Variants in MAP3K13 observed in about 807,000 individuals in gnomAD.
MAP3K13 encodes the protein mitogen-activated protein kinase kinase kinase 13.
In MAP3K13, 52 loss-of-function variants were observed where a neutral mutation model predicts 104.0. The ratio of observed to expected loss-of-function variants is 0.50; its 90% CI spans 0.40 to 0.63. The LOEUF (loss-of-function observed/expected upper bound fraction) is 0.63. MAP3K13 is among the 20% of genes least tolerant of loss of function. The probability of loss-of-function intolerance (pLI) is 0.00; values close to 1 mark genes in which losing one functional copy is unlikely to be tolerated. For synonymous variants in MAP3K13, 394 were observed against 442.2 expected, an observed-to-expected ratio of 0.89 and a Z score of 1.37; for missense variants, 914 against 1,218.5, an observed-to-expected ratio of 0.75 and a Z score of 3.72.
At chr3:185,392,465 G>A (rs953856031) in intron 1 of MAP3K13, among the ~76,000 whole-genome samples, 1 of 152,238 alleles carries the variant, frequency 6.6e-6, no homozygotes, top group African/African-American at 2.4e-5. Flanking sequence ...GAGGCATGTG[G>A]AGTGTGTTGC....
rs115576657 is a variant in MAP3K13 at position 185,473,283 on chromosome 3, G to C, written c.1952G>C (p.Ser651Thr). The C allele has an allele frequency of 4.4e-4, 718 of 1,614,184 alleles. 2 individuals carry two copies. The African/African-American group carries it at 9.0e-3, about 20-fold the overall frequency. Reference sequence around the variant, plus strand: ...CAGCCCCCTCCTGCCATGTCCCAGAGTCACCATCCCAGACTCAATATGCAC... The same window carrying C: ...CAGCCCCCTCCTGCCATGTCCCAGACTCACCATCCCAGACTCAATATGCAC... ...YQQPPPAMSQ[S>T]HHPRLNMHGQ... Residue 651 changes from serine to threonine, a missense_variant, in exon 11 of 14, where the codon AGT becomes ACT. This residue lies in a region of MAP3K13 where 583 missense variants were observed against 737.4 expected (regional missense o/e 0.79). Transcript: ENST00000265026. This position sits in a 1 kb window ranked among gnomAD's most constrained non-coding sequence, Gnocchi z 4.9.
intron 2 of MAP3K13, among the ~76,000 whole-genome samples, chr3:185,432,290 G>A (rs1326445685): frequency 2.1e-5 from 3 of 144,462 alleles, no homozygotes; most frequent in East Asian, 2.0e-4. Context: ...TTCTGGGTTC[G>A]AGCGATTCTC....
chr3:185,297,204 T>C (rs898544530), intron 2 of MAP3K13, among the ~76,000 whole-genome samples: 19 of 152,230 alleles, frequency 1.2e-4, no homozygotes, highest in Non-Finnish European at 2.5e-4. Flanking sequence ...AGTCTGTCCA[T>C]TACAAAGGCT....
intron 1 of MAP3K13, among the ~76,000 whole-genome samples, chr3:185,370,540 C>T (rs1334001383): frequency 3.9e-5 from 6 of 152,082 alleles, no homozygotes; most frequent in African/African-American, 7.2e-5. Context: ...TGGCATGCTG[C>T]GACAGCTGGG....
At chr3:185,475,093 C>CAAAAAAA (rs972600527) in intron 11 of MAP3K13, among the ~76,000 whole-genome samples, 1 of 41,846 alleles carries the variant, frequency 2.4e-5, no homozygotes. Context: ...GACCCCATCT[C>CAAAAAAA]AAAAAAAAAA....
intron 3 of MAP3K13, among the ~76,000 whole-genome samples, chr3:185,441,101 C>T (rs918702621): frequency 6.6e-6 from 1 of 152,058 alleles, no homozygotes; most frequent in African/African-American, 2.4e-5. Context: ...AGTTTGAATC[C>T]CAGCTCTGTC....
intron 2 of MAP3K13, among the ~76,000 whole-genome samples, chr3:185,293,670 C>A (rs996694094): frequency 3.3e-5 from 5 of 152,182 alleles, no homozygotes; most frequent in Admixed American, 1.3e-4. Context: ...AGCGATCCAC[C>A]CGCCTTGGCC....
chr3:185,352,713 A>G (rs549560775), intron 2 of MAP3K13, among the ~76,000 whole-genome samples: 10 of 152,216 alleles, frequency 6.6e-5, no homozygotes, highest in Non-Finnish European at 1.3e-4. Flanking sequence ...AAAAAAATGT[A>G]TACTTGATTT....
chr3:185,458,499 C>T (rs1716902147), intron 7 of MAP3K13, among the ~76,000 whole-genome samples: 1 of 152,084 alleles, frequency 6.6e-6, no homozygotes, highest in African/African-American at 2.4e-5. Context: ...AATTAAGCCT[C>T]CTTTGGGTTG....
At chr3:185,445,820 T>C (rs1002987473) in intron 4 of MAP3K13, among the ~76,000 whole-genome samples, 2 of 152,218 alleles carry the variant, frequency 1.3e-5, no homozygotes, top group Admixed American at 1.3e-4. Context: ...TATATTTTTC[T>C]AGTCTCCTCT....
At chr3:185,465,403 G>A (rs568325847) in intron 8 of MAP3K13, among the ~76,000 whole-genome samples, 1 of 152,186 alleles carries the variant, frequency 6.6e-6, no homozygotes. Context: ...GTGTAAATGA[G>A]TGATCATGGT....
Position 185,473,465 on chromosome 3 carries a change from G to C in MAP3K13, c.2134G>C (p.Glu712Gln). 1 of 1,614,174 alleles carries C rather than the reference G, an allele frequency of 6.2e-7. No homozygotes were observed. Among genetic ancestry groups the C allele is most frequent in the South Asian group, 1.1e-5 (1 of 91,086 alleles). ...GGCTGCAGACTGCTGGAGAAGTTCTGAGCCTGACAAGGGCCAAGCTGGTCC... is the reference window on the plus strand; with the variant it reads ...GGCTGCAGACTGCTGGAGAAGTTCTCAGCCTGACAAGGGCCAAGCTGGTCC... Reference protein sequence around the residue: ...AMAADCWRSSEPDKGQAGPWG... With the variant: ...AMAADCWRSSQPDKGQAGPWG... The change falls in exon 11 of 14, where the codon GAG (glutamate) becomes CAG (glutamine). Residue 712 changes from glutamate (E) to glutamine (Q), a missense_variant. Around this residue, in one of 3 missense-constraint regions of MAP3K13, gnomAD observed 583 missense variants for 737.4 expected, o/e 0.79. Coordinates refer to ENST00000265026, the MANE Select transcript of MAP3K13 (RefSeq NM_004721.5). The surrounding 1 kb of genome is among the most constrained non-coding windows in gnomAD (Gnocchi z 4.9).
chr3:185,295,097 C>G (rs2108675738), intron 2 of MAP3K13, among the ~76,000 whole-genome samples: 1 of 152,292 alleles, frequency 6.6e-6, no homozygotes, highest in African/African-American at 2.4e-5. Context: ...AATTCAGCCC[C>G]AAATCTTCAA....
intron 1 of MAP3K13, among the ~76,000 whole-genome samples, chr3:185,426,236 A>G (rs1378591471): frequency 6.6e-6 from 1 of 152,008 alleles, no homozygotes; most frequent in East Asian, 1.9e-4. Flanking sequence ...ATGCACCACC[A>G]TGCCCGGCTA....
intron 2 of MAP3K13, among the ~76,000 whole-genome samples, chr3:185,314,739 G>A (rs1721616059): frequency 6.6e-6 from 1 of 152,114 alleles, no homozygotes; most frequent in Admixed American, 6.6e-5. Flanking sequence ...CCTGCCTCAA[G>A]TGATCCTCCT....
rs548832664 is a variant in MAP3K13, at chr3:185,428,790, C to T, written c.209C>T (p.Thr70Met). 113 of 1,614,092 alleles carry T rather than the reference C, an allele frequency of 7.0e-5. No individual in the cohort carries two copies. The highest frequency in any genetic ancestry group is 9.2e-5 in the Non-Finnish European group (109 of 1,180,008). ...AGCCCCGTCACCACAACAGTGTTGACGAGCGTAAGTGAGGATTCCAGGGAC... is the reference window on the plus strand; with the variant it reads ...AGCCCCGTCACCACAACAGTGTTGATGAGCGTAAGTGAGGATTCCAGGGAC... ...VHSPVTTTVL[T>M]SVSEDSRDQF... The change falls in exon 2 of 14, where the codon ACG becomes ATG. Residue 70 changes from threonine to methionine, a missense_variant. By Grantham distance (81) the Thr-to-Met change is moderately conservative. This residue lies in a region of MAP3K13 where 156 missense variants were observed against 159.8 expected (regional missense o/e 0.98). Coordinates refer to ENST00000265026, the MANE Select transcript of MAP3K13 (RefSeq NM_004721.5).
chr3:185,478,010 G>A (rs948793635), intron 12 of MAP3K13, among the ~76,000 whole-genome samples: 1 of 152,082 alleles, frequency 6.6e-6, no homozygotes, highest in Non-Finnish European at 1.5e-5. Flanking sequence ...TATCTAGAGG[G>A]TCTATCTAGA....
intron 2 of MAP3K13, among the ~76,000 whole-genome samples, chr3:185,297,873 ACT>A (rs370793853): frequency 1.4e-4 from 21 of 147,194 alleles, no homozygotes; most frequent in African/African-American, 1.7e-4. Context: ...AATAAGAGCT[ACT>A]CTCTCTCTCT....
At chr3:185,424,069 C>T (rs7629245) in intron 1 of MAP3K13, among the ~76,000 whole-genome samples, 19,316 of 152,116 alleles carry the variant, frequency 0.13, 1,563 homozygotes, top group South Asian at 0.25. Context: ...TTATTAGTTC[C>T]GTAAGTAGTC....
Sources: allele counts gnomAD v4.1 joint callset (sites outside exome capture counted in the v4.1 genomes callset), GRCh38; gene constraint gnomAD v4.1.1; regional missense constraint gnomAD v4.1.1; non-coding constraint Gnocchi (gnomAD v3.1); transcripts MANE v1.5; gene names NCBI Gene and HGNC (gene_info 2026-07-23, HGNC 2026-07-21).